The following CHAT variants were observed in gnomAD, a reference collection of about 807,000 sequenced individuals.
CHAT encodes acetyl CoA:choline O-acetyltransferase.
CHAT carries 61 observed loss-of-function variants against 76.9 expected under a neutral mutation model. The ratio of observed to expected loss-of-function variants is 0.79; its 90% CI spans 0.65 to 0.98. CHAT has a LOEUF of 0.98. CHAT is among the 50% of genes least tolerant of loss of function. CHAT has a pLI of 0.00. For missense variants in CHAT, 946 were observed against 986.9 expected (o/e 0.96, Z 0.56); for synonymous variants, 407 against 397.4 (o/e 1.02, Z -0.29).
chr10:49,637,280 A>G (rs2132765789), intron 7 of CHAT: 1 of 152,216 alleles, frequency 6.6e-6, no homozygotes, highest in East Asian at 1.9e-4. Context: ...CCTCTCATCA[A>G]TACTTTAGCT....
At position 49,625,649 on chromosome 10, in the gene CHAT, A is replaced by G. The variant is rs149976821; in HGVS notation, c.929A>G (p.Asn310Ser). The change falls in exon 6 of 15, where the codon AAT (asparagine) becomes AGT (serine). Residue 310 changes from asparagine (N) to serine (S), a missense_variant. Around this residue, in one of 3 missense-constraint regions of CHAT, gnomAD observed 548 missense variants for 516.2 expected, o/e 1.06. Transcript: ENST00000337653. ...EPEHVIVACC[N>S]QFFVLDVVIN... ...GAGCACGTCATCGTAGCCTGCTGCA[A>G]TCAGGTAAGCAACCCCTTGTCTTGG... The G allele has an allele frequency of 5.1e-6, 8 of 1,566,280 alleles. No individual in the cohort carries two copies. The Admixed American group carries it at 1.1e-4, about 22-fold the overall frequency.
chr10:49,652,124 G>C (rs1839899297), intron 11 of CHAT, 118 bp downstream of exon 11: 1 of 1,341,972 alleles, frequency 7.5e-7, no homozygotes, highest in Non-Finnish European at 1.1e-6. Flanking sequence ...TGGAAGACTG[G>C]AGAGGGACTG....
intron 11 of CHAT, among the ~76,000 whole-genome samples, chr10:49,653,728 G>A (rs967041801): frequency 1.3e-4 from 20 of 152,250 alleles, no homozygotes; most frequent in African/African-American, 4.8e-4. Flanking sequence ...TTGGAATGGT[G>A]GTCAGTGCCT....
At chr10:49,629,964 C>T (rs1013486331) in intron 7 of CHAT, among the ~76,000 whole-genome samples, 8 of 152,126 alleles carry the variant, frequency 5.3e-5, no homozygotes, top group Non-Finnish European at 7.4e-5. Flanking sequence ...CCATTGAAAG[C>T]GAGAACAATT....
rs1368395936 is a variant in CHAT, at chr10:49,655,471, A to C, written c.1839+23A>C. ...ATGGTGAGTGACGTCGCACCACCTC[A>C]CAACACTGCACTTGAGCTGTGCCTG... On this transcript the variant is annotated intron_variant, in intron 13 of 14. Coordinates refer to ENST00000337653, the MANE Select transcript of CHAT (RefSeq NM_020549.5). The C allele has an allele frequency of 2.5e-6, 4 of 1,607,638 alleles. No individual in the cohort carries two copies. In the Admixed American group the frequency reaches 6.7e-5, roughly 27 times the overall value.
chr10:49,655,905 T>C (rs913620411), intron 13 of CHAT, among the ~76,000 whole-genome samples: 1 of 152,192 alleles, frequency 6.6e-6, no homozygotes, highest in Non-Finnish European at 1.5e-5. Context: ...GAATAAAAAG[T>C]CTTTGCTGAA....
upstream of CHAT, among the ~76,000 whole-genome samples, chr10:49,609,753 G>A (rs1460918387): frequency 6.6e-6 from 1 of 152,218 alleles, no homozygotes; most frequent in Non-Finnish European, 1.5e-5. Flanking sequence ...CAAGGGGCCA[G>A]GGGGCGGAGT....
intron 13 of CHAT, among the ~76,000 whole-genome samples, chr10:49,658,965 TAA>T (rs968868974): frequency 1.3e-5 from 2 of 152,012 alleles, no homozygotes; most frequent in African/African-American, 2.4e-5. Flanking sequence ...AGATGAAATA[TAA>T]GAGAGAAAAG....
At chr10:49,635,962 T>C (rs1464067921) in intron 7 of CHAT, among the ~76,000 whole-genome samples, 1 of 151,958 alleles carries the variant, frequency 6.6e-6, no homozygotes, top group African/African-American at 2.4e-5. Flanking sequence ...GGGATACAGA[T>C]CAGAAAGAAA....
At chr10:49,659,420 A>G (rs1840125253) in intron 13 of CHAT, among the ~76,000 whole-genome samples, 1 of 152,236 alleles carries the variant, frequency 6.6e-6, no homozygotes, top group Admixed American at 6.5e-5. Context: ...ACACAAGAAA[A>G]AGATAGAGGG....
intron 5 of CHAT, among the ~76,000 whole-genome samples, chr10:49,624,754 T>C (rs1838855603): frequency 6.6e-6 from 1 of 151,128 alleles, no homozygotes; most frequent in South Asian, 2.1e-4. Flanking sequence ...GATGGATGGA[T>C]GGAAAGATGG....
Position 49,655,175 on chromosome 10 carries a change from C to T in CHAT, c.1715C>T (p.Ser572Leu), listed in dbSNP as rs753652169. The stretch of plus-strand genomic sequence containing the variant: ...GAGGGACGCGTGGACAACATCAGAT[C>T]GGCCACTCCAGAGGCACTGGCTTTT... ...FQEGRVDNIR[S>L]ATPEALAFVR... The change falls in exon 12 of 15, where the codon TCG becomes TTG. Residue 572 changes from serine to leucine, a missense_variant. Ser to Leu is a moderately radical substitution (Grantham distance 145). This residue lies in a region of CHAT where 349 missense variants were observed against 393.9 expected (regional missense o/e 0.89). Coordinates refer to ENST00000337653, the MANE Select transcript of CHAT (RefSeq NM_020549.5). 1.9e-6 allele frequency: 3 copies of T among 1,614,060 alleles called. No individual in the cohort carries two copies. Among genetic ancestry groups the T allele is most frequent in the Non-Finnish European group, 2.5e-6 (3 of 1,180,014 alleles).
chr10:49,631,003 G>C lies in CHAT; in HGVS notation c.1111+3218G>C, dbSNP rs1474046499. ...GACTGTGTTGAGCTCATATATGAAGGTTCAAAGTGATACATTTTAGGAGAG... is the reference window on the plus strand; with the variant it reads ...GACTGTGTTGAGCTCATATATGAAGCTTCAAAGTGATACATTTTAGGAGAG... On this transcript the variant is annotated intron_variant, in intron 7 of 14. Transcript: ENST00000337653. Among the ~76,000 whole-genome samples, 5 of 152,250 alleles carry C rather than the reference G, an allele frequency of 3.3e-5. No individual in the cohort carries two copies. The East Asian group carries it at 5.8e-4, about 18-fold the overall frequency.
chr10:49,615,288 G>A (rs896707408), intron 1 of CHAT, among the ~76,000 whole-genome samples: 7 of 152,256 alleles, frequency 4.6e-5, no homozygotes, highest in African/African-American at 1.4e-4. Context: ...ATCCTCACCA[G>A]GACGCCACCT....
rs908612250 is a variant in CHAT at position 49,624,730 on chromosome 10, CGGATGGATGGAT to C, written c.753-727_753-716del. Among the ~76,000 whole-genome samples the C allele has an allele frequency of 2.6e-3, 106 of 41,528 alleles. No individual in the cohort carries two copies. The East Asian group carries it at 0.034, about 13-fold the overall frequency. 27.2% of individuals were successfully genotyped at this position (41,528 alleles called of 152,430 possible). On this transcript the variant is annotated intron_variant, in intron 5 of 14. Transcript: ENST00000337653. ...GTGGAAGGAAGGAAGGATGGATGGA[CGGATGGATGGAT>C]GGATGGATGGATGGAAAGATGGATG...
At chr10:49,655,327 G>C (rs1439395753) in intron 12 of CHAT, 59 bp from the exon 13 acceptor site, 2 of 1,613,098 alleles carry the variant, frequency 1.2e-6, no homozygotes, top group Admixed American at 3.3e-5. Context: ...CTGACCACCA[G>C]ATGCTTTGGC....
At chr10:49,645,179 GGAAA>G (rs1839616684) in intron 7 of CHAT, among the ~76,000 whole-genome samples, 1 of 152,170 alleles carries the variant, frequency 6.6e-6, no homozygotes, top group South Asian at 2.1e-4. Flanking sequence ...CTACAAGCAA[GGAAA>G]GAAAGGACAT....
chr10:49,652,950 G>T (rs1839926803), intron 11 of CHAT, among the ~76,000 whole-genome samples: 2 of 152,132 alleles, frequency 1.3e-5, no homozygotes, highest in Non-Finnish European at 2.9e-5. Context: ...GCCCCCTGTG[G>T]CCCCCTTGCC....
At chr10:49,627,908 A>T in intron 7 of CHAT, 123 bp downstream of exon 7, 3 of 1,177,322 alleles carry the variant, frequency 2.5e-6, no homozygotes, top group Non-Finnish European at 3.6e-6. Context: ...CTCAGGGCCC[A>T]CAGCATGCCC....
Sources: gnomAD v4.1 joint callset for allele counts (sites outside exome capture counted in the v4.1 genomes callset) on GRCh38, gnomAD v4.1.1 for gene constraint, gnomAD v4.1.1 regional missense constraint, MANE v1.5 for transcripts, NCBI Gene and HGNC (gene_info 2026-07-23, HGNC 2026-07-21) for gene names.